Variants in KCNH8 observed in about 807,000 individuals in gnomAD.
The protein encoded by KCNH8 is potassium voltage-gated channel subfamily H member 8.
A neutral mutation model predicts 103.6 loss-of-function variants in KCNH8; 70 were observed. The ratio of observed to expected loss-of-function variants is 0.68; its 90% CI spans 0.56 to 0.82. The LOEUF (loss-of-function observed/expected upper bound fraction) is 0.82, where lower values mean the gene tolerates loss of function less well. Ranked by LOEUF, KCNH8 falls within the 40% of genes least tolerant of loss-of-function variation. The pLI, the probability that KCNH8 is intolerant of heterozygous loss-of-function variation, is 0.00. For synonymous variants in KCNH8, 498 were observed against 489.4 expected (o/e 1.02, Z -0.23); for missense variants, 1,217 against 1,329.9 (o/e 0.92, Z 1.32).
At chr3:19,268,165 A>G (rs994526614) in intron 2 of KCNH8, among the ~76,000 whole-genome samples, 14 of 152,272 alleles carry the variant, frequency 9.2e-5, no homozygotes, top group Middle Eastern at 3.4e-3. Flanking sequence ...CTTATGGTCT[A>G]TTAAGAGAGA....
chr3:19,528,591 A>T (rs1289555106), intron 15 of KCNH8, among the ~76,000 whole-genome samples: 1 of 152,144 alleles, frequency 6.6e-6, no homozygotes, highest in East Asian at 1.9e-4. Context: ...GTGAATTCTA[A>T]CAGTCATACC....
chr3:19,291,996 T>A (rs535829633), intron 3 of KCNH8, among the ~76,000 whole-genome samples: 1 of 152,352 alleles, frequency 6.6e-6, no homozygotes, highest in East Asian at 1.9e-4. Flanking sequence ...CTTTTAAAAG[T>A]TCCTTTCCTC....
chr3:19,361,538 G>C (rs1168915937), intron 5 of KCNH8, among the ~76,000 whole-genome samples: 1 of 152,090 alleles, frequency 6.6e-6, no homozygotes, highest in Admixed American at 6.6e-5. Flanking sequence ...TCTCAGAGGA[G>C]CAATACCAAC....
rs548578319 is a variant in KCNH8 at position 19,367,388 on chromosome 3, C to A, written c.811+19423C>A. Among the ~76,000 whole-genome samples the A allele has an allele frequency of 2.4e-3, 345 of 142,906 alleles. 4 individuals carry two copies. Among genetic ancestry groups the A allele is most frequent in the African/African-American group, 8.3e-3 (313 of 37,754 alleles). The allele number at this position is 142,906 out of a possible 152,430, so 93.8% of individuals were successfully genotyped here. Reference sequence around the variant, plus strand: ...ATAATTGTGTACCCCCACTCTCTCTCTCTCTCTATATATATATTTATATAT... The same window carrying A: ...ATAATTGTGTACCCCCACTCTCTCTATCTCTCTATATATATATTTATATAT... On this transcript the variant is annotated intron_variant, in intron 5 of 15. Coordinates refer to ENST00000328405, the MANE Select transcript of KCNH8 (RefSeq NM_144633.3).
chr3:19,163,102 A>G (rs968606753), intron 1 of KCNH8, among the ~76,000 whole-genome samples: 1 of 151,900 alleles, frequency 6.6e-6, no homozygotes, highest in Non-Finnish European at 1.5e-5. Flanking sequence ...AATTTTATGA[A>G]AAAAATAAAA....
At chr3:19,315,415 G>A (rs1305420748) in intron 3 of KCNH8, among the ~76,000 whole-genome samples, 3 of 151,926 alleles carry the variant, frequency 2.0e-5, no homozygotes, top group East Asian at 3.9e-4. Flanking sequence ...ATCAGCTTTT[G>A]CCTTATCCAA....
At chr3:19,364,734 T>G (rs1177088205) in intron 5 of KCNH8, among the ~76,000 whole-genome samples, 3 of 152,140 alleles carry the variant, frequency 2.0e-5, no homozygotes, top group Non-Finnish European at 4.4e-5. Context: ...TTCATCATTC[T>G]TATTAAGAGC....
intron 1 of KCNH8, among the ~76,000 whole-genome samples, chr3:19,251,229 T>C (rs2064273404): frequency 6.6e-6 from 1 of 152,124 alleles, no homozygotes; most frequent in Non-Finnish European, 1.5e-5. Context: ...ACTTTTTGCA[T>C]CCACACCTGA....
chr3:19,509,587 T>C (rs1289793779), intron 11 of KCNH8, among the ~76,000 whole-genome samples: 1 of 152,206 alleles, frequency 6.6e-6, no homozygotes, highest in Admixed American at 6.5e-5. Context: ...ATACAAAATG[T>C]GTCCTGAGAT....
intron 5 of KCNH8, among the ~76,000 whole-genome samples, chr3:19,369,949 C>T (rs1409460932): frequency 6.6e-6 from 1 of 151,982 alleles, no homozygotes; most frequent in Non-Finnish European, 1.5e-5. Flanking sequence ...GATTTATTTA[C>T]TATGCTATAA....
intron 1 of KCNH8, among the ~76,000 whole-genome samples, chr3:19,164,858 C>G (rs1459673410): frequency 6.6e-6 from 1 of 152,146 alleles, no homozygotes; most frequent in East Asian, 1.9e-4. Context: ...TAATAACCCA[C>G]TGGTGTTGGA....
intron 1 of KCNH8, among the ~76,000 whole-genome samples, chr3:19,183,936 C>T (rs1433981224): frequency 6.6e-6 from 1 of 152,030 alleles, no homozygotes; most frequent in Non-Finnish European, 1.5e-5. Flanking sequence ...GTAACATTTA[C>T]GGTATTGGCA....
chr3:19,149,105 G>A (rs928029705), intron 1 of KCNH8, among the ~76,000 whole-genome samples: 6 of 152,136 alleles, frequency 3.9e-5, no homozygotes, highest in Non-Finnish European at 7.3e-5. Flanking sequence ...GGAATTGGTT[G>A]TAATTTTCTG....
chr3:19,499,333 C>G (rs1476525237), intron 11 of KCNH8, among the ~76,000 whole-genome samples: 1 of 152,038 alleles, frequency 6.6e-6, no homozygotes, highest in Non-Finnish European at 1.5e-5. Flanking sequence ...CTGAAAGTCA[C>G]AAGGAGAATG....
At chr3:19,489,557 C>T (rs556284186) in intron 11 of KCNH8, among the ~76,000 whole-genome samples, 1 of 152,116 alleles carries the variant, frequency 6.6e-6, no homozygotes, top group Non-Finnish European at 1.5e-5. Context: ...ACCTGTAATG[C>T]TGGCCAGTCT....
intron 13 of KCNH8, among the ~76,000 whole-genome samples, 172 bp downstream of exon 13, chr3:19,513,497 T>A (rs1202730599): frequency 3.3e-5 from 5 of 152,196 alleles, no homozygotes; most frequent in Non-Finnish European, 7.3e-5. Context: ...AGTGTGTGTG[T>A]GCATGCAGGA....
intron 11 of KCNH8, among the ~76,000 whole-genome samples, chr3:19,501,173 C>G (rs2068574223): frequency 6.6e-6 from 1 of 152,154 alleles, no homozygotes; most frequent in Non-Finnish European, 1.5e-5. Flanking sequence ...ACTGCAAAAT[C>G]TAGAAAAAAT....
chr3:19,345,711 G>A (rs1028243965), intron 4 of KCNH8, among the ~76,000 whole-genome samples: 5 of 151,920 alleles, frequency 3.3e-5, no homozygotes, highest in Admixed American at 2.6e-4. Flanking sequence ...AAGAAGAGAA[G>A]CATCTATTTT....
chr3:19,336,430 C>T (rs2065586064), intron 3 of KCNH8, among the ~76,000 whole-genome samples: 1 of 151,746 alleles, frequency 6.6e-6, no homozygotes, highest in Admixed American at 6.6e-5. Context: ...CTTTGCAGAA[C>T]AAAATCAACT....
Sources: gnomAD v4.1 joint callset for allele counts (sites outside exome capture counted in the v4.1 genomes callset) on GRCh38, gnomAD v4.1.1 for gene constraint, MANE v1.5 for transcripts, NCBI Gene and HGNC (gene_info 2026-07-23, HGNC 2026-07-21) for gene names.